LRRC37A2: variants seen among roughly 807,000 people sequenced by gnomAD.
LRRC37A2 encodes the protein leucine-rich repeat-containing protein 37A2.
Under a neutral mutation model 68.8 loss-of-function variants are expected in LRRC37A2, and 9 were observed. That is an observed-to-expected ratio of 0.13 (90% CI 0.08 to 0.23). The LOEUF (loss-of-function observed/expected upper bound fraction) is 0.23. Among genes scored for constraint, LRRC37A2 ranks in the 10% least tolerant of loss-of-function variants. The probability of loss-of-function intolerance (pLI) is 1.00; values close to 1 mark genes in which losing one functional copy is unlikely to be tolerated. For missense variants in LRRC37A2, 168 were observed against 950.4 expected (o/e 0.18, Z 10.82); for synonymous variants, 63 against 367.6 (o/e 0.17, Z 9.48).
At chr17:46,633,500 C>A in the LRRC37A2 span, among the ~76,000 whole-genome samples, 2 of 140,030 alleles carry the variant, frequency 1.4e-5, no homozygotes, top group Non-Finnish European at 3.2e-5. Flanking sequence ...TCCTTAGCCT[C>A]CCAAAGTGCT....
the LRRC37A2 span, among the ~76,000 whole-genome samples, chr17:46,791,810 CA>C: frequency 0.15 from 22,190 of 152,230 alleles, 2,019 homozygotes; most frequent in African/African-American, 0.26. Context: ...AATTTCGAGG[CA>C]GGGGGATCAC....
the LRRC37A2 span, among the ~76,000 whole-genome samples, chr17:46,873,203 A>G: frequency 1.3e-5 from 2 of 151,842 alleles, no homozygotes; most frequent in Non-Finnish European, 2.9e-5. Context: ...GAGCCAGGCG[A>G]TGCATTTGTT....
At chr17:46,529,231 T>A (rs1460131545) in intron 6 of LRRC37A2, among the ~76,000 whole-genome samples, 13 of 119,756 alleles carry the variant, frequency 1.1e-4, no homozygotes, top group African/African-American at 3.7e-4. Flanking sequence ...TTCCCTTATT[T>A]TGTGAGCTAC....
the LRRC37A2 span, among the ~76,000 whole-genome samples, chr17:46,991,064 G>A: frequency 1.3e-5 from 2 of 152,122 alleles, no homozygotes; most frequent in Non-Finnish European, 2.9e-5. Flanking sequence ...TATGTTCCTG[G>A]TGGAACCGTG....
the LRRC37A2 span, among the ~76,000 whole-genome samples, chr17:46,621,213 T>C: frequency 3.3e-5 from 5 of 150,030 alleles, no homozygotes; most frequent in Admixed American, 2.6e-4. Flanking sequence ...TCTGACTTAA[T>C]TGCAGCAATA....
At chr17:46,993,073 ATTT>A in the LRRC37A2 span, among the ~76,000 whole-genome samples, 1 of 149,300 alleles carries the variant, frequency 6.7e-6, no homozygotes, top group Non-Finnish European at 1.5e-5. Context: ...AGAGATTTTG[ATTT>A]TTTTTTTTTT....
At chr17:46,814,273 A>T in the LRRC37A2 span, among the ~76,000 whole-genome samples, 2 of 152,186 alleles carry the variant, frequency 1.3e-5, no homozygotes, top group African/African-American at 4.8e-5. Flanking sequence ...CCACATACAT[A>T]TTACAGCAGG....
the LRRC37A2 span, among the ~76,000 whole-genome samples, chr17:46,805,096 C>T: frequency 6.6e-6 from 1 of 152,042 alleles, no homozygotes; most frequent in Non-Finnish European, 1.5e-5. Flanking sequence ...AGTGAGACCA[C>T]GAACCCACTG....
chr17:46,773,846 G>A, the LRRC37A2 span: 2 of 1,613,178 alleles, frequency 1.2e-6, no homozygotes, highest in Admixed American at 1.7e-5. Flanking sequence ...CCAGGCCTGG[G>A]ATGGAGCCGC....
chr17:46,813,793 T>C, the LRRC37A2 span, among the ~76,000 whole-genome samples: 1 of 152,228 alleles, frequency 6.6e-6, no homozygotes, highest in African/African-American at 2.4e-5. Flanking sequence ...ATTCTACATC[T>C]GCCCAAGTAC....
At chr17:46,771,868 C>CCGCCCAGG in the LRRC37A2 span, among the ~76,000 whole-genome samples, 2 of 144,926 alleles carry the variant, frequency 1.4e-5, no homozygotes, top group African/African-American at 4.9e-5. Flanking sequence ...GCCGCCCAGG[C>CCGCCCAGG]CCCTCCGGCG....
chr17:46,916,069 A>C, the LRRC37A2 span, among the ~76,000 whole-genome samples: 3 of 152,028 alleles, frequency 2.0e-5, no homozygotes, highest in Non-Finnish European at 4.4e-5. Flanking sequence ...CTTTAACCTG[A>C]CTGCTGGGGT....
chr17:46,589,340 A>ATTTT, the LRRC37A2 span, among the ~76,000 whole-genome samples: 1 of 78,726 alleles, frequency 1.3e-5, no homozygotes, highest in African/African-American at 9.2e-5. Flanking sequence ...ATAGGCGTGA[A>ATTTT]TTTTTTTTTT....
the LRRC37A2 span, among the ~76,000 whole-genome samples, chr17:47,037,656 C>T: frequency 1.3e-5 from 2 of 152,322 alleles, no homozygotes; most frequent in Admixed American, 6.5e-5. Flanking sequence ...GAAATGTTCT[C>T]TCCTCATCTG....
the LRRC37A2 span, among the ~76,000 whole-genome samples, chr17:46,780,293 AC>A: frequency 1.2e-4 from 19 of 152,162 alleles, no homozygotes; most frequent in South Asian, 3.9e-3. Flanking sequence ...TGCTGCCAGC[AC>A]CCACTCCCCT....
the LRRC37A2 span, chr17:46,979,274 G>C: frequency 2.9e-5 from 9 of 308,530 alleles, no homozygotes; most frequent in South Asian, 1.4e-3. Flanking sequence ...CGCCCGCTGG[G>C]TTCCTCGCGC....
At chr17:46,752,491 T>G in the LRRC37A2 span, among the ~76,000 whole-genome samples, 2 of 152,202 alleles carry the variant, frequency 1.3e-5, no homozygotes, top group African/African-American at 4.8e-5. Flanking sequence ...GGTCTCGCTC[T>G]GTCTCCCAGG....
At chr17:46,805,952 A>C in the LRRC37A2 span, among the ~76,000 whole-genome samples, 1 of 152,300 alleles carries the variant, frequency 6.6e-6, no homozygotes, top group East Asian at 1.9e-4. Flanking sequence ...AGCCTTCGGC[A>C]ATGGAATGGT....
the LRRC37A2 span, among the ~76,000 whole-genome samples, chr17:46,823,296 C>A: frequency 1.3e-5 from 2 of 148,574 alleles, no homozygotes; most frequent in African/African-American, 5.0e-5. Context: ...CTCACTGCAA[C>A]CTCTGCCTCC....
Sources: gnomAD v4.1 joint callset for allele counts (sites outside exome capture counted in the v4.1 genomes callset) on GRCh38, gnomAD v4.1.1 for gene constraint, MANE v1.5 for transcripts, NCBI Gene and HGNC (gene_info 2026-07-23, HGNC 2026-07-21) for gene names.